Variants in PABIR2 observed in about 807,000 individuals in gnomAD.
PABIR2 encodes PABIR family member 2.
A neutral mutation model predicts 22.8 loss-of-function variants in PABIR2; 7 were observed. The ratio of observed to expected loss-of-function variants is 0.31; its 90% CI spans 0.17 to 0.58. PABIR2 has a LOEUF of 0.58. Among genes scored for constraint, PABIR2 ranks in the 20% least tolerant of loss-of-function variants. The pLI is 0.89. For synonymous variants in PABIR2, 67 were observed against 73.8 expected, an observed-to-expected ratio of 0.91 and a Z score of 0.47; for missense variants, 155 against 205.1, an observed-to-expected ratio of 0.76 and a Z score of 1.49.
At chrX:134,781,185 G>A (rs1189654685) in intron 9 of PABIR2, among the ~76,000 whole-genome samples, 1 of 112,746 alleles carries the variant, frequency 8.9e-6, no homozygotes, top group Non-Finnish European at 1.9e-5. Context: ...AAGCGAAGGT[G>A]TCAGAAAGAC....
chrX:134,790,279 T>C (rs149565036), intron 2 of PABIR2, among the ~76,000 whole-genome samples: 158 of 112,327 alleles, frequency 1.4e-3, no homozygotes, highest in African/African-American at 5.0e-3. Context: ...CAGAAATGAT[T>C]TGGAGGCCAA....
chrX:134,772,312 C>A lies in PABIR2; in HGVS notation c.660-29G>T, dbSNP rs199522498. On this transcript the variant is annotated intron_variant, in intron 9 of 9. Coordinates refer to ENST00000343004, the MANE Select transcript of PABIR2 (RefSeq NM_001387468.1). ...AAGACAAAGCAAAAAGAATTATAAG[C>A]AAATGCAACTATCAGGGTAAACATA... 3.5e-6 allele frequency: 4 copies of A among 1,155,687 alleles called. No individual in the cohort carries two copies. In the Admixed American group the frequency reaches 9.7e-5, roughly 28 times the overall value.
intron 2 of PABIR2, among the ~76,000 whole-genome samples, chrX:134,791,194 C>T (rs1277802683): frequency 4.6e-5 from 5 of 108,753 alleles, no homozygotes; most frequent in African/African-American, 1.7e-4. Context: ...GGCAATGTGT[C>T]GGCTTAAAAA....
chrX:134,787,375 C>T, intron 7 of PABIR2, 97 bp downstream of exon 7: 3 of 841,634 alleles, frequency 3.6e-6, no homozygotes, highest in Non-Finnish European at 3.5e-6. Flanking sequence ...GCTAGGATTA[C>T]AGGTGTGAGC....
At chrX:134,783,481 T>C (rs749771764) in intron 8 of PABIR2, among the ~76,000 whole-genome samples, 2 of 112,033 alleles carry the variant, frequency 1.8e-5, no homozygotes, top group Non-Finnish European at 3.8e-5. Context: ...AATCCCAGCA[T>C]TTTGGGAGGC....
rs775848587 is a variant in PABIR2, at chrX:134,789,128, G to A, written c.290C>T (p.Thr97Met). 1.3e-5 allele frequency: 16 copies of A among 1,210,520 alleles called. No individual in the cohort carries two copies. The highest frequency in any genetic ancestry group is 5.2e-5 in the African/African-American group (3 of 57,331). The change falls in exon 5 of 10, where the codon ACG (threonine) becomes ATG (methionine). Residue 97 changes from threonine (T) to methionine (M), a missense_variant. By Grantham distance (81) the Thr-to-Met change is moderately conservative. Transcript: ENST00000343004. ...CCATGATTGGCTTATCTGCATTGCC[G>A]TTTGCATTTCCCTAAAATAAACAAA... ...RETAHEREMQ[T>M]AMQISQSWDE...
chrX:134,782,937 G>A (rs925438788), intron 8 of PABIR2, among the ~76,000 whole-genome samples: 19 of 111,936 alleles, frequency 1.7e-4, no homozygotes, highest in Non-Finnish European at 2.8e-4. Flanking sequence ...TTGCTGCTGG[G>A]CTTTTGAGTT....
chrX:134,788,831 T>G lies in PABIR2; in HGVS notation c.334A>C (p.Ser112Arg), dbSNP rs2079458661. ...SQSWDESLSL[S>R]DSDFDKPEKL... ...TCCGGCTTGTCAAAATCACTGTCAC[T>G]CTGTAAACATAAAGTGTCATCTCCT... is the stretch of plus-strand genomic sequence containing the variant. Residue 112 changes from serine to arginine, a missense_variant and splice_region_variant, in exon 6 of 10, where the codon AGT becomes CGT. Ser to Arg is a moderately radical substitution (Grantham distance 110). Transcript: ENST00000343004. The G allele has an allele frequency of 8.3e-7, 1 of 1,198,300 alleles. No homozygotes were observed. The highest frequency in any genetic ancestry group is 1.1e-6 in the Non-Finnish European group (1 of 885,148).
At chrX:134,788,192 TAC>T (rs764119619) in intron 6 of PABIR2, among the ~76,000 whole-genome samples, 16 of 80,857 alleles carry the variant, frequency 2.0e-4, no homozygotes, top group East Asian at 7.6e-4. Flanking sequence ...GTGTAATATA[TAC>T]ACGTTATATA....
intron 9 of PABIR2, 93 bp from the exon 10 acceptor site, chrX:134,772,376 A>G (rs780166815): frequency 3.1e-5 from 27 of 869,604 alleles, no homozygotes; most frequent in Non-Finnish European, 4.1e-5. Context: ...ACAAATCAGT[A>G]AATCACTTGT....
intron 9 of PABIR2, among the ~76,000 whole-genome samples, chrX:134,781,586 T>C (rs2079157393): frequency 1.8e-5 from 2 of 112,159 alleles, no homozygotes. Context: ...TCAGATTCAT[T>C]TGCTATTAAC....
At chrX:134,775,049 C>G (rs766251610) in intron 9 of PABIR2, among the ~76,000 whole-genome samples, 2 of 112,268 alleles carry the variant, frequency 1.8e-5, no homozygotes, top group Admixed American at 1.9e-4. Flanking sequence ...TTCTTTCTTT[C>G]CTAGCTTAAG....
At position 134,788,798 on chromosome X, in the gene PABIR2, A is replaced by G. The variant is rs1268973558; in HGVS notation, c.367T>C (p.Tyr123His). 1 of 1,209,362 alleles carries G rather than the reference A, an allele frequency of 8.3e-7. No individual in the cohort carries two copies. The highest frequency in any genetic ancestry group is 1.8e-5 in the South Asian group (1 of 56,700). The change falls in exon 6 of 10, where the codon TAT (tyrosine) becomes CAT (histidine). Residue 123 changes from tyrosine (Y) to histidine (H), a missense_variant. Tyr to His is a moderately conservative substitution (Grantham distance 83). Transcript: ENST00000343004. Reference protein sequence around the residue: ...DSDFDKPEKLYSPKRIDFTPV... With the variant: ...DSDFDKPEKLHSPKRIDFTPV... ...GTGAAGTCAATTCTCTTAGGAGAAT[A>G]TAATTTCTCCGGCTTGTCAAAATCA...
chrX:134,788,498 C>T (rs753852403), intron 6 of PABIR2, among the ~76,000 whole-genome samples: 6 of 102,566 alleles, frequency 5.8e-5, no homozygotes, highest in South Asian at 8.1e-4. Context: ...GTAATATATA[C>T]GTTATATATG....
In PABIR2 at chrX:134,771,949, T is replaced by C. The variant is rs1219934882; in HGVS notation, c.*190A>G. ...CCAAAATGAGATCAGCAAAACCAGA[T>C]ACTAGTAAGGTCACTAGGCTCACAA... On this transcript the variant is annotated 3_prime_UTR_variant, in exon 10 of 10. Coordinates refer to ENST00000343004, the MANE Select transcript of PABIR2 (RefSeq NM_001387468.1). 3.1e-6 allele frequency: 3 copies of C among 955,828 alleles called. No individual in the cohort carries two copies. Among genetic ancestry groups the C allele is most frequent in the Admixed American group, 5.5e-5 (1 of 18,227 alleles). The allele number at this position is 955,828 out of a possible 1,213,427, so 78.8% of individuals were successfully genotyped here.
intron 8 of PABIR2, among the ~76,000 whole-genome samples, chrX:134,785,547 T>C (rs1365633773): frequency 9.1e-6 from 1 of 109,887 alleles, no homozygotes; most frequent in Non-Finnish European, 1.9e-5. Flanking sequence ...GTTCAAGCGA[T>C]TCTCCTGCCT....
At chrX:134,794,533 A>C (rs2079652593) in intron 1 of PABIR2, among the ~76,000 whole-genome samples, 1 of 110,877 alleles carries the variant, frequency 9.0e-6, no homozygotes, top group African/African-American at 3.3e-5. Flanking sequence ...CAATCCACAA[A>C]CGGAATGCAA....
chrX:134,787,249 G>A (rs1165280493), intron 7 of PABIR2, among the ~76,000 whole-genome samples: 1 of 108,655 alleles, frequency 9.2e-6, no homozygotes, highest in African/African-American at 3.4e-5. Flanking sequence ...ACAGGCGCCT[G>A]CCACCAGGCC....
chrX:134,789,246 C>T lies in PABIR2; in HGVS notation c.255G>A (p.Val85=). Residue 85 remains valine (V), a synonymous_variant, in exon 4 of 10, where the codon GTG becomes GTA. Transcript: ENST00000343004. ...QIKREEGLDM[V]NRETAHEREM... is the part of the protein sequence containing the mutation. ...ACCTTTCATGTGCAGTTTCTCTGTT[C>T]ACCATATCCAGGCCTTCTTCCTGCA... 3.3e-6 allele frequency: 4 copies of T among 1,212,385 alleles called. No homozygotes were observed. The highest frequency in any genetic ancestry group is 4.5e-6 in the Non-Finnish European group (4 of 895,658).
Sources: allele counts gnomAD v4.1 joint callset (sites outside exome capture counted in the v4.1 genomes callset), GRCh38; gene constraint gnomAD v4.1.1; transcripts MANE v1.5; gene names NCBI Gene and HGNC (gene_info 2026-07-23, HGNC 2026-07-21).